Variants in USP13 observed in about 807,000 individuals in gnomAD.
USP13 encodes the protein ubiquitin specific peptidase 13.
In USP13, 68 loss-of-function variants were observed where a neutral mutation model predicts 107.8. The observed-to-expected ratio is 0.63, with a 90% confidence interval of 0.52 to 0.77. USP13 has a LOEUF of 0.77. Ranked by LOEUF, USP13 falls within the 30% of genes least tolerant of loss-of-function variation. The pLI, the probability that USP13 is intolerant of heterozygous loss-of-function variation, is 0.00. For synonymous variants in USP13, 377 were observed against 389.5 expected (o/e 0.97, Z 0.38); for missense variants, 945 against 1,093.3 (o/e 0.86, Z 1.91).
chr3:179,750,267 A>AAAT (rs1300084584), intron 13 of USP13, among the ~76,000 whole-genome samples: 14 of 146,610 alleles, frequency 9.5e-5, no homozygotes, highest in South Asian at 2.1e-4. Flanking sequence ...CTCTGTCTCA[A>AAAT]AATAATAATA....
chr3:179,691,951 G>C (rs1287242815), intron 3 of USP13, among the ~76,000 whole-genome samples: 1 of 152,142 alleles, frequency 6.6e-6, no homozygotes, highest in Non-Finnish European at 1.5e-5. Flanking sequence ...ATTATTGTTT[G>C]AAAGGATTTG....
chr3:179,658,092 T>C (rs553640770), intron 1 of USP13, among the ~76,000 whole-genome samples: 6 of 152,232 alleles, frequency 3.9e-5, no homozygotes, highest in South Asian at 4.1e-4. Context: ...GTAGCTGGGA[T>C]TACAGGTGCC....
intron 13 of USP13, among the ~76,000 whole-genome samples, chr3:179,750,913 G>A (rs760412741): frequency 6.6e-6 from 1 of 152,112 alleles, no homozygotes; most frequent in Non-Finnish European, 1.5e-5. Flanking sequence ...CCCGTGTTCT[G>A]TCCCTGCGCT....
intron 19 of USP13, 87 bp from the exon 20 acceptor site, chr3:179,781,652 A>G: frequency 8.8e-7 from 1 of 1,140,416 alleles, no homozygotes; most frequent in African/African-American, 1.5e-5. Flanking sequence ...TTGCTGGATT[A>G]TACTATGGTT....
intron 2 of USP13, among the ~76,000 whole-genome samples, chr3:179,684,121 C>T (rs568000189): frequency 7.2e-4 from 109 of 151,752 alleles, no homozygotes; most frequent in African/African-American, 2.2e-3. Flanking sequence ...CCACCATGCC[C>T]GGCTAACTTT....
intron 1 of USP13, among the ~76,000 whole-genome samples, chr3:179,674,673 C>G (rs1043487650): frequency 6.6e-6 from 1 of 151,530 alleles, no homozygotes; most frequent in African/African-American, 2.4e-5. Context: ...AAATACTGTG[C>G]CAAAGGGTCA....
intron 17 of USP13, among the ~76,000 whole-genome samples, 190 bp from the exon 18 acceptor site, chr3:179,763,812 C>T (rs1715082491): frequency 1.3e-5 from 2 of 152,200 alleles, no homozygotes; most frequent in Non-Finnish European, 2.9e-5. Flanking sequence ...CCACGAACTC[C>T]TGACCTCAGG....
chr3:179,682,041 T>C lies in USP13; in HGVS notation c.294+38T>C, dbSNP rs1380715391. ...CTTTCAGAGAACTGGCCTTGATGTCTTCCCTGTAACGTTGTCTCAGTGTGC... is the reference window on the plus strand; with the variant it reads ...CTTTCAGAGAACTGGCCTTGATGTCCTCCCTGTAACGTTGTCTCAGTGTGC... On this transcript the variant is annotated intron_variant, in intron 2 of 20. Transcript: ENST00000263966. The C allele has an allele frequency of 2.5e-6, 4 of 1,593,636 alleles. No individual in the cohort carries two copies. The South Asian group carries it at 4.5e-5, about 18-fold the overall frequency.
intron 13 of USP13, among the ~76,000 whole-genome samples, chr3:179,749,691 T>G (rs1714528294): frequency 6.6e-6 from 1 of 152,160 alleles, no homozygotes; most frequent in African/African-American, 2.4e-5. Flanking sequence ...TAAATCTACT[T>G]TCTGGTACTT....
chr3:179,690,347 T>C (rs887153118), intron 3 of USP13, 46 bp downstream of exon 3: 1 of 1,526,108 alleles, frequency 6.6e-7, no homozygotes, highest in African/African-American at 1.4e-5. Flanking sequence ...TTTGTGTGTG[T>C]GTATATGTGC....
At chr3:179,660,966 T>C (rs1468210098) in intron 1 of USP13, among the ~76,000 whole-genome samples, 1 of 152,198 alleles carries the variant, frequency 6.6e-6, no homozygotes, top group Non-Finnish European at 1.5e-5. Context: ...GCAAAAAGCT[T>C]TTGTGTGATT....
At position 179,745,053 on chromosome 3, in the gene USP13, C is replaced by G. The variant is rs750187502; in HGVS notation, c.1545C>G (p.Ile515Met). ...MEAATNKDEL[I>M]AYELTRREAE... ...TGCTCTTTCACCCAGATGAACTGAT[C>G]GCTTATGAACTAACGAGAAGGGAAG... The change falls in exon 13 of 21, where the codon ATC (isoleucine) becomes ATG (methionine). Residue 515 changes from isoleucine to methionine, a missense_variant. By Grantham distance (10) the Ile-to-Met change is conservative. Coordinates refer to ENST00000263966, the MANE Select transcript of USP13 (RefSeq NM_003940.3). 1 of 1,613,964 alleles carries G rather than the reference C, an allele frequency of 6.2e-7. No individual in the cohort carries two copies. The highest frequency in any genetic ancestry group is 1.3e-5 in the African/African-American group (1 of 74,880).
chr3:179,713,068 T>C (rs1237395119), intron 6 of USP13, among the ~76,000 whole-genome samples: 2 of 152,232 alleles, frequency 1.3e-5, no homozygotes, highest in African/African-American at 2.4e-5. Context: ...ACCCATTGTC[T>C]TCCATAGTTG....
chr3:179,669,979 T>A (rs898244368), intron 1 of USP13, among the ~76,000 whole-genome samples: 1 of 152,048 alleles, frequency 6.6e-6, no homozygotes, highest in Non-Finnish European at 1.5e-5. Context: ...CCAGGCTTCC[T>A]TGAGCTGACC....
At chr3:179,728,122 G>T (rs1205250654) in intron 8 of USP13, among the ~76,000 whole-genome samples, 5 of 113,324 alleles carry the variant, frequency 4.4e-5, no homozygotes, top group South Asian at 3.3e-4. Context: ...GGGCAGAGGG[G>T]CTCCTCACTT....
chr3:179,757,718 C>T (rs1300462986), intron 16 of USP13, among the ~76,000 whole-genome samples: 1 of 152,200 alleles, frequency 6.6e-6, no homozygotes, highest in East Asian at 1.9e-4. Flanking sequence ...TCTTTCAAGA[C>T]AGTAACTAAT....
chr3:179,728,010 G>A (rs1245402722), intron 8 of USP13, among the ~76,000 whole-genome samples: 1 of 59,420 alleles, frequency 1.7e-5, no homozygotes, highest in African/African-American at 5.1e-5. Context: ...GGGGCGGCTG[G>A]CCAGGTGGGG....
chr3:179,653,305 T>G lies in USP13; in HGVS notation c.80T>G (p.Leu27Arg), dbSNP rs781272923. 4.1e-5 allele frequency: 64 copies of G among 1,576,656 alleles called. No homozygotes were observed. The highest frequency in any genetic ancestry group is 5.0e-5 in the Non-Finnish European group (58 of 1,161,892). ...RKMAAGDIGE[L>R]LVPHMPTIRV... Reference sequence around the variant, plus strand: ...ATGGCTGCAGGAGACATCGGCGAGCTGCTAGTGCCCCACATGCCCACGATC... The same window carrying G: ...ATGGCTGCAGGAGACATCGGCGAGCGGCTAGTGCCCCACATGCCCACGATC... Residue 27 changes from leucine to arginine, a missense_variant, in exon 1 of 21, where the codon CTG (leucine) becomes CGG (arginine). Physicochemically the swap from Leu to Arg is moderately radical, Grantham distance 102 (BLOSUM62 -2). Coordinates refer to ENST00000263966, the MANE Select transcript of USP13 (RefSeq NM_003940.3). This position sits in a 1 kb window ranked among gnomAD's most constrained non-coding sequence, Gnocchi z 4.0.
chr3:179,681,740 A>G (rs1711660819), intron 1 of USP13, 138 bp from the exon 2 acceptor site: 1 of 1,051,634 alleles, frequency 9.5e-7, no homozygotes, highest in Non-Finnish European at 1.4e-6. Flanking sequence ...AAAACAAGGT[A>G]GGGTATCACA....
Sources: gnomAD v4.1 joint callset for allele counts (sites outside exome capture counted in the v4.1 genomes callset) on GRCh38, gnomAD v4.1.1 for gene constraint, Gnocchi (gnomAD v3.1) non-coding constraint, MANE v1.5 for transcripts, NCBI Gene and HGNC (gene_info 2026-07-23, HGNC 2026-07-21) for gene names.